The following DPP6 variants were observed in gnomAD, a reference collection of about 807,000 sequenced individuals.
DPP6 encodes A-type potassium channel modulatory protein DPP6.
DPP6 carries 69 observed loss-of-function variants against 122.6 expected under a neutral mutation model. The observed-to-expected ratio is 0.56, with a 90% CI of 0.46 to 0.69. The LOEUF (loss-of-function observed/expected upper bound fraction) is 0.69, where lower values mean the gene tolerates loss of function less well. Ranked by LOEUF, DPP6 falls within the 30% of genes least tolerant of loss-of-function variation. The pLI is 0.00. For synonymous variants in DPP6, 418 were observed against 433.1 expected, an observed-to-expected ratio of 0.97 and a Z score of 0.43; for missense variants, 928 against 1,116.9, an observed-to-expected ratio of 0.83 and a Z score of 2.41.
At chr7:154,104,108 C>A (rs1057510208) in intron 1 of DPP6, among the ~76,000 whole-genome samples, 5 of 152,232 alleles carry the variant, frequency 3.3e-5, no homozygotes, top group African/African-American at 1.2e-4. Flanking sequence ...GGTTGCCCAC[C>A]CTTCTTTGTC....
intron 18 of DPP6, among the ~76,000 whole-genome samples, chr7:154,868,809 C>T (rs1804116129): frequency 6.6e-6 from 1 of 152,232 alleles, no homozygotes; most frequent in African/African-American, 2.4e-5. Context: ...CTCTTGGAAA[C>T]CCAAGTGTAA....
intron 16 of DPP6, among the ~76,000 whole-genome samples, chr7:154,844,362 C>T (rs148640266): frequency 2.3e-3 from 351 of 152,306 alleles, no homozygotes; most frequent in African/African-American, 7.7e-3. Context: ...CCCCAAAATT[C>T]TGTGTATGTT....
the DPP6 span, among the ~76,000 whole-genome samples, chr7:153,868,036 T>G: frequency 2.6e-5 from 4 of 152,228 alleles, no homozygotes; most frequent in African/African-American, 9.6e-5. Context: ...TTTGATGTGC[T>G]GCTGGATTCA....
chr7:154,893,140 T>C lies in DPP6; in HGVS notation c.*660T>C. The C allele has an allele frequency of 2.9e-6, 1 of 347,204 alleles. No individual in the cohort carries two copies. The highest frequency in any genetic ancestry group is 5.7e-6 in the Non-Finnish European group (1 of 175,924). The allele number at this position is 347,204 out of a possible 1,614,324, so 21.5% of individuals were successfully genotyped here. ...TGTCTCCGTCATGGGGTTGTTTTGCTGTTTGGGGTTGGGCCTTGTTTCCCT... is the reference window on the plus strand; with the variant it reads ...TGTCTCCGTCATGGGGTTGTTTTGCCGTTTGGGGTTGGGCCTTGTTTCCCT... On this transcript the variant is annotated 3_prime_UTR_variant, in exon 26 of 26. Transcript: ENST00000377770.
At chr7:154,786,856 G>A (rs1276156110) in intron 10 of DPP6, among the ~76,000 whole-genome samples, 1 of 151,998 alleles carries the variant, frequency 6.6e-6, no homozygotes, top group Non-Finnish European at 1.5e-5. Context: ...TGTTTGAACT[G>A]CATTTCTGAG....
At chr7:154,247,644 C>T (rs1802068407) in intron 1 of DPP6, among the ~76,000 whole-genome samples, 1 of 152,082 alleles carries the variant, frequency 6.6e-6, no homozygotes, top group East Asian at 1.9e-4. Context: ...CTCATACATT[C>T]TTGGTGGGAG....
chr7:153,829,604 A>G, the DPP6 span, among the ~76,000 whole-genome samples: 1 of 152,100 alleles, frequency 6.6e-6, no homozygotes, highest in Admixed American at 6.6e-5. Context: ...TCATTCCACA[A>G]ATCAATTGTT....
intron 1 of DPP6, among the ~76,000 whole-genome samples, chr7:154,216,157 A>C (rs892993368): frequency 2.0e-5 from 3 of 152,206 alleles, no homozygotes; most frequent in Admixed American, 6.5e-5. Context: ...CAGGGACCCC[A>C]CGGGACGCAT....
chr7:154,183,131 T>C (rs146543120), intron 1 of DPP6, among the ~76,000 whole-genome samples: 38 of 152,338 alleles, frequency 2.5e-4, no homozygotes, highest in African/African-American at 8.7e-4. Context: ...TGGCTAGTGC[T>C]CTTGGCCTCC....
chr7:153,947,314 G>A (rs1801992334), intron 1 of DPP6, among the ~76,000 whole-genome samples: 1 of 152,100 alleles, frequency 6.6e-6, no homozygotes. Flanking sequence ...TGAAGTCAGA[G>A]CATCGGCTGG....
At chr7:153,974,467 GC>G in intron 1 of DPP6, among the ~76,000 whole-genome samples, 1 of 152,266 alleles carries the variant, frequency 6.6e-6, no homozygotes, top group Non-Finnish European at 1.5e-5. Context: ...AGCTTTCAGA[GC>G]CTGCAGTCCC....
In DPP6 at chr7:154,446,266, C is replaced by T; in HGVS notation, c.296C>T (p.Ala99Val). The change falls in exon 2 of 26, where the codon GCA (alanine) becomes GTA (valine). Residue 99 changes from alanine (A) to valine (V), a missense_variant. Ala to Val is a moderately conservative substitution (Grantham distance 64, BLOSUM62 0). Coordinates refer to ENST00000377770, the MANE Select transcript of DPP6 (RefSeq NM_130797.4). Reference sequence around the variant, plus strand: ...AGGAATTGGAAAGGAATAGCAATTGCACTGCTTGTCATTCTGGTCATCTGC... The same window carrying T: ...AGGAATTGGAAAGGAATAGCAATTGTACTGCTTGTCATTCTGGTCATCTGC... ...PQRNWKGIAI[A>V]LLVILVICSL... 6.2e-7 allele frequency: 1 copy of T among 1,611,942 alleles called. No homozygotes were observed. The highest frequency in any genetic ancestry group is 1.1e-5 in the South Asian group (1 of 90,734).
chr7:154,572,522 T>G (rs1831185596), intron 5 of DPP6, among the ~76,000 whole-genome samples: 1 of 117,412 alleles, frequency 8.5e-6, no homozygotes. Flanking sequence ...TTTTTTTTTT[T>G]TTTTTTTTTT....
intron 1 of DPP6, among the ~76,000 whole-genome samples, chr7:154,378,360 A>G (rs1813302619): frequency 6.6e-6 from 1 of 152,398 alleles, no homozygotes; most frequent in African/African-American, 2.4e-5. Context: ...ACCATCAAAA[A>G]GTAATTGATT....
At chr7:154,013,957 C>T (rs1798277162) in intron 1 of DPP6, among the ~76,000 whole-genome samples, 1 of 151,860 alleles carries the variant, frequency 6.6e-6, no homozygotes, top group Non-Finnish European at 1.5e-5. Context: ...TTTCCTCTCT[C>T]CCCTTTGCCC....
At chr7:154,878,815 T>A (rs1300221061) in intron 20 of DPP6, among the ~76,000 whole-genome samples, 2 of 152,244 alleles carry the variant, frequency 1.3e-5, no homozygotes, top group Non-Finnish European at 2.9e-5. Flanking sequence ...TCTTCACGAT[T>A]GTTTCTTTTG....
At chr7:154,433,504 A>G (rs927783695) in intron 1 of DPP6, among the ~76,000 whole-genome samples, 2 of 151,948 alleles carry the variant, frequency 1.3e-5, no homozygotes, top group Non-Finnish European at 2.9e-5. Context: ...TACTGGGCAC[A>G]TTGTGAAACA....
chr7:154,498,369 C>T (rs927454014), intron 3 of DPP6, among the ~76,000 whole-genome samples: 2 of 152,246 alleles, frequency 1.3e-5, no homozygotes, highest in African/African-American at 2.4e-5. Flanking sequence ...GATGGAGTCT[C>T]GCTCTCTCAC....
chr7:154,166,384 A>T (rs1028294210), intron 1 of DPP6, among the ~76,000 whole-genome samples: 4 of 152,184 alleles, frequency 2.6e-5, no homozygotes, highest in African/African-American at 9.7e-5. Context: ...GAGAGAGTGG[A>T]TAAGAGCTCA....
Sources: gnomAD v4.1 joint callset for allele counts (sites outside exome capture counted in the v4.1 genomes callset) on GRCh38, gnomAD v4.1.1 for gene constraint, MANE v1.5 for transcripts, NCBI Gene and HGNC (gene_info 2026-07-23, HGNC 2026-07-21) for gene names.